The following SETBP1 variants were observed in gnomAD, a reference collection of about 807,000 sequenced individuals.
SETBP1 encodes SET binding protein 1, also known as SET-binding protein.
In SETBP1, 9 loss-of-function variants were observed where a neutral mutation model predicts 101.0. The observed-to-expected ratio is 0.09, with a 90% CI of 0.05 to 0.16. The LOEUF is 0.16. Among genes scored for constraint, SETBP1 ranks in the 10% least tolerant of loss-of-function variants. SETBP1 has a pLI of 1.00. For synonymous variants in SETBP1, 818 were observed against 788.5 expected (o/e 1.04, Z -0.63); for missense variants, 1,858 against 2,033.8 (o/e 0.91, Z 1.66).
At chr18:45,005,667 G>A (rs1186691859) in intron 4 of SETBP1, among the ~76,000 whole-genome samples, 1 of 119,634 alleles carries the variant, frequency 8.4e-6, no homozygotes, top group Non-Finnish European at 1.7e-5. Context: ...TTTTTTTTGA[G>A]ACAGAGTCTT....
chr18:44,850,796 T>C (rs1183987106), intron 2 of SETBP1, among the ~76,000 whole-genome samples: 2 of 152,224 alleles, frequency 1.3e-5, no homozygotes, highest in African/African-American at 4.8e-5. Context: ...TTCCCAGACC[T>C]CTAGGCAGCC....
intron 3 of SETBP1, among the ~76,000 whole-genome samples, chr18:44,923,023 G>A (rs1019723356): frequency 6.6e-6 from 1 of 152,174 alleles, no homozygotes; most frequent in South Asian, 2.1e-4. Context: ...GAAAAGAGCC[G>A]CTTGGCTAAT....
rs760955147 is a variant in SETBP1, at chr18:45,038,651, T to C, written c.4167T>C (p.Asp1389=). 7 of 1,614,064 alleles carry C rather than the reference T, an allele frequency of 4.3e-6. No individual in the cohort carries two copies. The highest frequency in any genetic ancestry group is 5.9e-6 in the Non-Finnish European group (7 of 1,179,988). ...SLLAASAATS[D]AVGSSLKKRF... ...TTGCTGCATCTGCAGCAACGTCGGA[T>C]GCAGGTGAGCACTTTTCAGATGCTT... Residue 1389 remains aspartate, a synonymous_variant, in exon 5 of 6, where the codon GAT becomes GAC. Transcript: ENST00000649279.
intron 5 of SETBP1, among the ~76,000 whole-genome samples, chr18:45,062,151 T>C (rs117912109): frequency 0.013 from 1,944 of 152,348 alleles, 13 homozygotes; most frequent in Non-Finnish European, 0.023. Context: ...CTTTATGGTG[T>C]CTGAACTTCA....
chr18:45,054,975 T>C (rs2073784524), intron 5 of SETBP1, among the ~76,000 whole-genome samples: 1 of 152,204 alleles, frequency 6.6e-6, no homozygotes, highest in Non-Finnish European at 1.5e-5. Flanking sequence ...TGCAACTCAA[T>C]TAAAGGTGTT....
chr18:44,985,604 A>G (rs2072214026), intron 4 of SETBP1, among the ~76,000 whole-genome samples: 1 of 152,160 alleles, frequency 6.6e-6, no homozygotes, highest in South Asian at 2.1e-4. Flanking sequence ...TTCTTCTTTT[A>G]AATGTTCTTA....
At chr18:44,798,337 A>C (rs1283753431) in intron 2 of SETBP1, among the ~76,000 whole-genome samples, 2 of 152,162 alleles carry the variant, frequency 1.3e-5, no homozygotes, top group Admixed American at 1.3e-4. Flanking sequence ...CATTTTACTC[A>C]TGAGAAAATT....
chr18:44,695,756 T>C (rs2069004060), intron 1 of SETBP1, among the ~76,000 whole-genome samples: 1 of 152,234 alleles, frequency 6.6e-6, no homozygotes, highest in Non-Finnish European at 1.5e-5. Flanking sequence ...TGTTCATGTG[T>C]TTATTTTGTA....
chr18:44,873,087 G>A (rs1408853328), intron 3 of SETBP1, among the ~76,000 whole-genome samples: 1 of 139,530 alleles, frequency 7.2e-6, no homozygotes, highest in Non-Finnish European at 1.6e-5. Flanking sequence ...AAGATAAGAA[G>A]AGAGTAAACA....
chr18:44,889,417 C>CT (rs749406315), intron 3 of SETBP1, among the ~76,000 whole-genome samples: 2 of 152,190 alleles, frequency 1.3e-5, no homozygotes, highest in Non-Finnish European at 2.9e-5. Flanking sequence ...GATCAGTTAG[C>CT]TTAGACTGTT....
intron 2 of SETBP1, among the ~76,000 whole-genome samples, chr18:44,797,569 G>A (rs2071506266): frequency 6.6e-6 from 1 of 152,156 alleles, no homozygotes; most frequent in South Asian, 2.1e-4. Context: ...CTGAGTCACA[G>A]ATGCAGGTTC....
intron 4 of SETBP1, among the ~76,000 whole-genome samples, chr18:44,984,307 C>T (rs776323576): frequency 1.3e-5 from 2 of 152,026 alleles, no homozygotes; most frequent in East Asian, 1.9e-4. Context: ...GAGTGGGGTG[C>T]GGAGAAGGGA....
At chr18:44,917,635 GGGT>G (rs1257552210) in intron 3 of SETBP1, among the ~76,000 whole-genome samples, 1 of 152,150 alleles carries the variant, frequency 6.6e-6, no homozygotes, top group Non-Finnish European at 1.5e-5. Context: ...CCCAGCAGGA[GGGT>G]TGGAGCTCTG....
intron 2 of SETBP1, among the ~76,000 whole-genome samples, chr18:44,852,489 G>A (rs569740159): frequency 2.6e-5 from 4 of 152,282 alleles, no homozygotes; most frequent in Admixed American, 6.5e-5. Context: ...GGGTCCGGGG[G>A]CTCTTCCCCT....
intron 2 of SETBP1, among the ~76,000 whole-genome samples, chr18:44,804,249 C>A (rs1406489278): frequency 2.0e-5 from 3 of 152,088 alleles, no homozygotes; most frequent in Admixed American, 6.6e-5. Context: ...ACATTTATTT[C>A]CATTCAGGTT....
chr18:44,744,794 A>G (rs565639860), intron 2 of SETBP1, among the ~76,000 whole-genome samples: 2 of 150,776 alleles, frequency 1.3e-5, no homozygotes, highest in African/African-American at 4.9e-5. Flanking sequence ...AAAAAAAAAA[A>G]CGCTTTCTTC....
intron 4 of SETBP1, among the ~76,000 whole-genome samples, chr18:45,014,401 G>A (rs1385643653): frequency 2.0e-5 from 3 of 152,228 alleles, no homozygotes; most frequent in Non-Finnish European, 2.9e-5. Flanking sequence ...TCCCCAGCAA[G>A]GGAGAAATAA....
chr18:44,932,936 G>A (rs975773812), intron 3 of SETBP1, among the ~76,000 whole-genome samples: 2 of 152,202 alleles, frequency 1.3e-5, no homozygotes, highest in African/African-American at 2.4e-5. Flanking sequence ...ATCATTTGAA[G>A]CCTTCTTCTC....
intron 2 of SETBP1, among the ~76,000 whole-genome samples, chr18:44,861,547 C>A (rs924921571): frequency 6.6e-6 from 1 of 152,014 alleles, no homozygotes; most frequent in Non-Finnish European, 1.5e-5. Flanking sequence ...ACATGGACAA[C>A]CTGATAGAGC....
Sources: allele counts gnomAD v4.1 joint callset (sites outside exome capture counted in the v4.1 genomes callset), GRCh38; gene constraint gnomAD v4.1.1; transcripts MANE v1.5; gene names NCBI Gene and HGNC (gene_info 2026-07-23, HGNC 2026-07-21).